STIM1: variants seen among roughly 807,000 people sequenced by gnomAD.
STIM1 encodes the protein stromal interaction molecule 1.
In STIM1, 25 loss-of-function variants were observed where a neutral mutation model predicts 74.7. The ratio of observed to expected loss-of-function variants is 0.33; its 90% CI spans 0.24 to 0.47. The LOEUF is 0.47. Among genes scored for constraint, STIM1 ranks in the 20% least tolerant of loss-of-function variants. The pLI, the probability that STIM1 is intolerant of heterozygous loss-of-function variation, is 1.00. For synonymous variants in STIM1, 328 were observed against 348.8 expected, an observed-to-expected ratio of 0.94 and a Z score of 0.66; for missense variants, 728 against 920.8, an observed-to-expected ratio of 0.79 and a Z score of 2.71.
intron 1 of STIM1, among the ~76,000 whole-genome samples, chr11:3,857,864 A>G (rs1333283738): frequency 6.6e-6 from 1 of 152,226 alleles, no homozygotes; most frequent in Non-Finnish European, 1.5e-5. Flanking sequence ...AAATGAGGCC[A>G]GGGTTGCCCA....
At chr11:3,904,812 A>T (rs1030916938) in intron 1 of STIM1, among the ~76,000 whole-genome samples, 1 of 152,142 alleles carries the variant, frequency 6.6e-6, no homozygotes, top group African/African-American at 2.4e-5. Flanking sequence ...TGAGATGGTT[A>T]TGGGTGATAT....
chr11:4,046,919 C>G (rs888357602), intron 3 of STIM1, among the ~76,000 whole-genome samples: 12 of 152,176 alleles, frequency 7.9e-5, no homozygotes, highest in African/African-American at 2.9e-4. Flanking sequence ...TCCCAAAGTG[C>G]TGGGATTATA....
At chr11:4,047,818 C>CT (rs1420591885) in intron 3 of STIM1, among the ~76,000 whole-genome samples, 1 of 126,912 alleles carries the variant, frequency 7.9e-6, no homozygotes, top group Non-Finnish European at 1.7e-5. Flanking sequence ...AGACCTGTCT[C>CT]TCTTTTTTTT....
chr11:3,867,839 CACTG>C (rs926518734), intron 1 of STIM1, among the ~76,000 whole-genome samples: 1 of 146,286 alleles, frequency 6.8e-6, no homozygotes, highest in African/African-American at 2.5e-5. Flanking sequence ...CCAGAAATCT[CACTG>C]GCAGGCAGGC....
At chr11:3,901,836 C>T (rs962392838) in intron 1 of STIM1, among the ~76,000 whole-genome samples, 2 of 152,218 alleles carry the variant, frequency 1.3e-5, no homozygotes, top group Non-Finnish European at 2.9e-5. Flanking sequence ...CCACAGCTCA[C>T]TGCACCCTTG....
chr11:4,014,300 G>A (rs537377880), intron 2 of STIM1, among the ~76,000 whole-genome samples: 1 of 152,066 alleles, frequency 6.6e-6, no homozygotes, highest in Non-Finnish European at 1.5e-5. Flanking sequence ...CCTTCATTTC[G>A]TTATTTATCC....
rs1242032425 is a variant in STIM1, at chr11:4,091,392, T to C, written c.1745T>C (p.Met582Thr). Residue 582 changes from methionine to threonine, a missense_variant, in exon 13 of 13, where the codon ATG becomes ACG. By Grantham distance (81) the Met-to-Thr change is moderately conservative. This residue lies in a region of STIM1 where 352 missense variants were observed against 370.1 expected (regional missense o/e 0.95). Transcript: ENST00000526596. ...SRAADEALNAMTSNGSHRLIE... is the reference protein window; with the variant it reads ...SRAADEALNATTSNGSHRLIE... ...GCTGCAGACGAGGCTCTCAATGCCATGACTTCCAATGGCAGCCACCGGCTG... is the reference window on the plus strand; with the variant it reads ...GCTGCAGACGAGGCTCTCAATGCCACGACTTCCAATGGCAGCCACCGGCTG... 5.0e-6 allele frequency: 8 copies of C among 1,614,186 alleles called. No homozygotes were observed. The highest frequency in any genetic ancestry group is 1.7e-5 in the Admixed American group (1 of 60,030).
chr11:3,992,404 ACT>A lies in STIM1; in HGVS notation c.270+24725_270+24726del, dbSNP rs1298676951. 2.0e-5 allele frequency among the ~76,000 whole-genome samples: 3 copies of A among 151,154 alleles called. No individual in the cohort carries two copies. The East Asian group carries it at 5.8e-4, about 29-fold the overall frequency. The stretch of plus-strand genomic sequence containing the variant: ...ACTTTAGCCTGGGTGACAGAGTGAG[ACT>A]CTGTCTCAAAAAAAAATTTAAATAA... On this transcript the variant is annotated intron_variant, in intron 2 of 12. Transcript: ENST00000526596.
chr11:4,080,732 C>T (rs2094461213), intron 7 of STIM1, among the ~76,000 whole-genome samples: 1 of 152,218 alleles, frequency 6.6e-6, no homozygotes. Context: ...TTCCAAACTA[C>T]TGGGATTACA....
rs187562750 is a variant in STIM1, at chr11:4,003,895, G to C, written c.271-19978G>C. Among the ~76,000 whole-genome samples the C allele has an allele frequency of 1.3e-3, 204 of 152,080 alleles. 1 individual carries two copies. Among genetic ancestry groups the C allele is most frequent in the Middle Eastern group, 3.4e-3 (1 of 294 alleles). ...GATAAGCAACTTCAGCAAAGTCTCAGGATAAAAAAAATCAATGTACAAAAA... is the reference window on the plus strand; with the variant it reads ...GATAAGCAACTTCAGCAAAGTCTCACGATAAAAAAAATCAATGTACAAAAA... On this transcript the variant is annotated intron_variant, in intron 2 of 12. Coordinates refer to ENST00000526596, the MANE Select transcript of STIM1 (RefSeq NM_001382567.1).
At chr11:3,897,325 T>C (rs1390352121) in intron 1 of STIM1, among the ~76,000 whole-genome samples, 1 of 152,154 alleles carries the variant, frequency 6.6e-6, no homozygotes, top group Non-Finnish European at 1.5e-5. Flanking sequence ...AAAGCTGGCC[T>C]CTTGGAATAC....
intron 1 of STIM1, among the ~76,000 whole-genome samples, chr11:3,946,073 G>A (rs1197116885): frequency 1.3e-5 from 2 of 152,162 alleles, no homozygotes; most frequent in African/African-American, 2.4e-5. Context: ...GCATAGGTGA[G>A]TACAATTCAA....
chr11:3,974,567 T>C (rs1202500747), intron 2 of STIM1, among the ~76,000 whole-genome samples: 1 of 151,712 alleles, frequency 6.6e-6, no homozygotes, highest in Admixed American at 6.6e-5. Context: ...AAGAGACTTT[T>C]TAAGAGTCTC....
chr11:3,894,603 G>A (rs1398647272), intron 1 of STIM1, among the ~76,000 whole-genome samples: 1 of 152,168 alleles, frequency 6.6e-6, no homozygotes, highest in Non-Finnish European at 1.5e-5. Flanking sequence ...TGGCTGGTCA[G>A]GCTTTAGTTG....
At chr11:4,045,760 T>C in intron 3 of STIM1, among the ~76,000 whole-genome samples, 1 of 134,978 alleles carries the variant, frequency 7.4e-6, no homozygotes, top group East Asian at 2.1e-4. Flanking sequence ...CCCTCAACAC[T>C]TCTTTTTTTT....
chr11:4,090,814 C>T (rs1034065328), intron 12 of STIM1, among the ~76,000 whole-genome samples: 1 of 152,214 alleles, frequency 6.6e-6, no homozygotes, highest in Non-Finnish European at 1.5e-5. Flanking sequence ...TGCACCAGTT[C>T]AGAGCCAGAG....
At chr11:4,038,702 A>G (rs2094123807) in intron 3 of STIM1, among the ~76,000 whole-genome samples, 1 of 152,226 alleles carries the variant, frequency 6.6e-6, no homozygotes, top group Admixed American at 6.5e-5. Context: ...ACCCTGAAAC[A>G]GAAGTGTCAG....
At chr11:3,985,343 G>GT (rs925743069) in intron 2 of STIM1, among the ~76,000 whole-genome samples, 14 of 151,832 alleles carry the variant, frequency 9.2e-5, no homozygotes, top group South Asian at 4.2e-4. Context: ...TTGTGTTTGT[G>GT]TTTTTTTTGT....
chr11:4,036,048 C>G (rs941921733), intron 3 of STIM1, among the ~76,000 whole-genome samples: 1 of 152,070 alleles, frequency 6.6e-6, no homozygotes, highest in Non-Finnish European at 1.5e-5. Flanking sequence ...GTTGTTCCCC[C>G]TGATGTGTCT....
Sources: allele counts gnomAD v4.1 joint callset (sites outside exome capture counted in the v4.1 genomes callset), GRCh38; gene constraint gnomAD v4.1.1; regional missense constraint gnomAD v4.1.1; transcripts MANE v1.5; gene names NCBI Gene and HGNC (gene_info 2026-07-23, HGNC 2026-07-21).